Variants in RB1CC1 observed in about 807,000 individuals in gnomAD.
RB1CC1 encodes RB1-inducible coiled-coil protein 1.
Under a neutral mutation model 177.5 loss-of-function variants are expected in RB1CC1, and 46 were observed. The observed-to-expected ratio is 0.26, with a 90% confidence interval of 0.20 to 0.33. The LOEUF (loss-of-function observed/expected upper bound fraction) is 0.33. RB1CC1 is among the 10% of genes least tolerant of loss of function. The pLI, the probability that RB1CC1 is intolerant of heterozygous loss-of-function variation, is 1.00. For missense variants in RB1CC1, 1,703 were observed against 1,816.3 expected (o/e 0.94, Z 1.13); for synonymous variants, 666 against 613.6 (o/e 1.09, Z -1.26).
chr8:52,671,298 C>T (rs1208471598), intron 7 of RB1CC1, among the ~76,000 whole-genome samples: 1 of 152,120 alleles, frequency 6.6e-6, no homozygotes, highest in East Asian at 1.9e-4. Flanking sequence ...AATACTGTTA[C>T]AATTGGAATT....
chr8:52,627,168 A>T (rs1478614973), intron 22 of RB1CC1, among the ~76,000 whole-genome samples: 1 of 151,838 alleles, frequency 6.6e-6, no homozygotes. Flanking sequence ...GCCAACAGGT[A>T]AAAACCCGCC....
chr8:52,698,657 T>A (rs1855686383), intron 1 of RB1CC1, among the ~76,000 whole-genome samples: 2 of 141,008 alleles, frequency 1.4e-5, no homozygotes, highest in African/African-American at 5.3e-5. Flanking sequence ...AAAAACTGTA[T>A]ATGTAATGGT....
chr8:52,690,762 C>A (rs1483972275), intron 1 of RB1CC1, among the ~76,000 whole-genome samples: 1 of 152,138 alleles, frequency 6.6e-6, no homozygotes, highest in Non-Finnish European at 1.5e-5. Flanking sequence ...GTACAAAGAA[C>A]TCCCGTCCCC....
chr8:52,697,295 TA>T (rs35428453), intron 1 of RB1CC1, among the ~76,000 whole-genome samples: 12,006 of 87,910 alleles, frequency 0.14, 638 homozygotes, highest in South Asian at 0.32. Context: ...AAATGGTTAC[TA>T]AAAAAAAAAA....
At chr8:52,700,775 A>G (rs1855976404) in intron 1 of RB1CC1, among the ~76,000 whole-genome samples, 1 of 152,256 alleles carries the variant, frequency 6.6e-6, no homozygotes, top group African/African-American at 2.4e-5. Flanking sequence ...ACAGTTTCCT[A>G]TAAGTAAACA....
intron 6 of RB1CC1, among the ~76,000 whole-genome samples, chr8:52,674,708 C>A (rs1292072362): frequency 6.7e-6 from 1 of 149,358 alleles, no homozygotes; most frequent in African/African-American, 2.5e-5. Context: ...GCGGAGGCTG[C>A]AGTGAGCTGA....
chr8:52,688,683 T>C (rs1261179590), intron 1 of RB1CC1, among the ~76,000 whole-genome samples: 1 of 152,192 alleles, frequency 6.6e-6, no homozygotes, highest in Admixed American at 6.5e-5. Flanking sequence ...AGTTCTGCTT[T>C]TTGTCCTTTG....
intron 1 of RB1CC1, among the ~76,000 whole-genome samples, chr8:52,706,672 C>T (rs893762500): frequency 4.0e-5 from 6 of 150,462 alleles, no homozygotes; most frequent in African/African-American, 1.5e-4. Context: ...GCGGAGCTTG[C>T]AGTAAGCCGA....
intron 1 of RB1CC1, among the ~76,000 whole-genome samples, chr8:52,707,067 T>C (rs1012418953): frequency 1.3e-5 from 2 of 152,236 alleles, no homozygotes; most frequent in East Asian, 3.9e-4. Context: ...TGACCTGAAC[T>C]GACTTCACCT....
chr8:52,655,990 A>G lies in RB1CC1; in HGVS notation c.3821+18T>C. The G allele has an allele frequency of 6.5e-7, 1 of 1,534,730 alleles. No homozygotes were observed. Among genetic ancestry groups the G allele is most frequent in the Non-Finnish European group, 8.9e-7 (1 of 1,121,362 alleles). On this transcript the variant is annotated intron_variant, in intron 15 of 23. Transcript: ENST00000025008. ...TGATATTTTAATTTTATAATTACAG[A>G]CTAAACTTAATTCTTACCTTTTTGC...
intron 1 of RB1CC1, among the ~76,000 whole-genome samples, chr8:52,693,396 C>G (rs1855086980): frequency 6.6e-6 from 1 of 151,926 alleles, no homozygotes; most frequent in East Asian, 1.9e-4. Flanking sequence ...TAATATCCAG[C>G]ATCTTCAAGG....
At chr8:52,710,074 G>T (rs909356191) in intron 1 of RB1CC1, among the ~76,000 whole-genome samples, 1 of 152,120 alleles carries the variant, frequency 6.6e-6, no homozygotes, top group African/African-American at 2.4e-5. Context: ...AGGGGTCACG[G>T]GCTACTGCAT....
At position 52,622,693 on chromosome 8, in the gene RB1CC1, C is replaced by T. The variant is rs1310812965; in HGVS notation, c.*1089G>A. Reference sequence around the variant, plus strand: ...TCATTTAAATAACTTTGCTCAATGGCAACTTCTCTAAAGATCTAGTTTACA... The same window carrying T: ...TCATTTAAATAACTTTGCTCAATGGTAACTTCTCTAAAGATCTAGTTTACA... On this transcript the variant is annotated 3_prime_UTR_variant, in exon 24 of 24. Transcript: ENST00000025008. 3.3e-5 allele frequency: 5 copies of T among 152,040 alleles called. No individual in the cohort carries two copies. The allele number at this position is 152,040 out of a possible 1,614,324, so 9.4% of individuals were successfully genotyped here. A position where few individuals can be genotyped will look rare whatever the true frequency, so the allele number is the denominator to read the frequency against.
intron 3 of RB1CC1, 72 bp downstream of exon 3, chr8:52,685,327 G>C: frequency 8.5e-7 from 1 of 1,177,754 alleles, no homozygotes; most frequent in East Asian, 2.5e-5. Context: ...TTTTTAAACA[G>C]TAGAATAATA....
intron 1 of RB1CC1, among the ~76,000 whole-genome samples, chr8:52,690,402 C>A (rs1353287415): frequency 6.6e-6 from 1 of 152,146 alleles, no homozygotes; most frequent in Non-Finnish European, 1.5e-5. Context: ...TCTTTGTCCT[C>A]ATGGAGTTCA....
chr8:52,661,960 T>C (rs1310807067), intron 8 of RB1CC1, among the ~76,000 whole-genome samples: 1 of 152,050 alleles, frequency 6.6e-6, no homozygotes, highest in Non-Finnish European at 1.5e-5. Context: ...GCTAGAAAGA[T>C]AAAGCCCCTT....
chr8:52,683,950 C>G lies in RB1CC1; in HGVS notation c.135G>C (p.Leu45=), dbSNP rs759766382. 1 of 1,614,124 alleles carries G rather than the reference C, an allele frequency of 6.2e-7. No homozygotes were observed. The highest frequency in any genetic ancestry group is 8.5e-7 in the Non-Finnish European group (1 of 1,180,010). ...CCATGCATTCTCCTCCATTGACCAC[C>G]AGCACCTGGTGTTGAATAGCAATCT... ...KYKIAIQHQV[L]VVNGGECMAA... Residue 45 remains leucine (L), a synonymous_variant, in exon 4 of 24, where the codon CTG becomes CTC. Transcript: ENST00000025008.
intron 5 of RB1CC1, among the ~76,000 whole-genome samples, chr8:52,676,957 T>C (rs140597119): frequency 6.6e-6 from 1 of 152,366 alleles, no homozygotes; most frequent in Non-Finnish European, 1.5e-5. Context: ...ATACGTCATC[T>C]ACTTCTAGAT....
chr8:52,661,328 A>G (rs1851603726), intron 9 of RB1CC1, 47 bp from the exon 10 acceptor site: 3 of 1,594,288 alleles, frequency 1.9e-6, no homozygotes, highest in Non-Finnish European at 2.6e-6. Context: ...AACTGGTACT[A>G]ACTTAGTTAC....
Sources: gnomAD v4.1 joint callset for allele counts (sites outside exome capture counted in the v4.1 genomes callset) on GRCh38, gnomAD v4.1.1 for gene constraint, MANE v1.5 for transcripts, NCBI Gene and HGNC (gene_info 2026-07-23, HGNC 2026-07-21) for gene names.